Variants in NCKAP5 observed in about 807,000 individuals in gnomAD.
The protein encoded by NCKAP5 is NCK associated protein 5.
A neutral mutation model predicts 167.0 loss-of-function variants in NCKAP5; 92 were observed. The ratio of observed to expected loss-of-function variants is 0.55; its 90% CI spans 0.47 to 0.66. NCKAP5 has a LOEUF of 0.66. Among genes scored for constraint, NCKAP5 ranks in the 30% least tolerant of loss-of-function variants. The pLI, the probability that NCKAP5 is intolerant of heterozygous loss-of-function variation, is 0.00. For missense variants in NCKAP5, 2,378 were observed against 2,315.0 expected (o/e 1.03, Z -0.56); for synonymous variants, 891 against 877.4 (o/e 1.02, Z -0.27).
rs750584716 is a variant in NCKAP5 at position 132,782,790 on chromosome 2, G to T, written c.4021C>A (p.Pro1341Thr). 30 of 1,613,920 alleles carry T rather than the reference G, an allele frequency of 1.9e-5. No individual in the cohort carries two copies. The South Asian group carries it at 2.6e-4, about 14-fold the overall frequency. Residue 1341 changes from proline (P) to threonine (T), a missense_variant, in exon 14 of 20, where the codon CCC (proline) becomes ACC (threonine). Coordinates refer to ENST00000409261, the MANE Select transcript of NCKAP5 (RefSeq NM_207363.3). Reference protein sequence around the residue: ...MLESLPSVGRPSGHPSSGKGS... With the variant: ...MLESLPSVGRTSGHPSSGKGS... ...TTCCCGGAGGAGGGGTGCCCCGAGGGCCTCCCAACACTGGGGAGACTCTCC... is the reference window on the plus strand; with the variant it reads ...TTCCCGGAGGAGGGGTGCCCCGAGGTCCTCCCAACACTGGGGAGACTCTCC...
the NCKAP5 span, among the ~76,000 whole-genome samples, chr2:133,651,711 A>G: frequency 2.6e-5 from 4 of 152,232 alleles, no homozygotes; most frequent in Non-Finnish European, 4.4e-5. Context: ...TAGCAGTCTC[A>G]TGTGTATTAC....
intron 5 of NCKAP5, among the ~76,000 whole-genome samples, chr2:133,156,388 C>T (rs1280507107): frequency 6.6e-6 from 1 of 152,210 alleles, no homozygotes; most frequent in Non-Finnish European, 1.5e-5. Flanking sequence ...GAAAGTTTAT[C>T]TACTTCATTT....
intron 11 of NCKAP5, among the ~76,000 whole-genome samples, chr2:132,834,413 C>T (rs1338153394): frequency 2.6e-5 from 4 of 152,080 alleles, no homozygotes; most frequent in African/African-American, 9.7e-5. Flanking sequence ...GGCGCGATCT[C>T]GGCTCACTGC....
chr2:133,429,119 TG>T (rs750209013), intron 3 of NCKAP5, among the ~76,000 whole-genome samples: 2 of 152,080 alleles, frequency 1.3e-5, no homozygotes, highest in Non-Finnish European at 2.9e-5. Context: ...CACCAGTGGG[TG>T]GACAGTTGCA....
intron 3 of NCKAP5, among the ~76,000 whole-genome samples, chr2:133,394,313 G>GT (rs1687605739): frequency 6.6e-6 from 1 of 152,204 alleles, no homozygotes; most frequent in Non-Finnish European, 1.5e-5. Context: ...GAGATTGGGA[G>GT]TATGGTAGGC....
chr2:132,769,659 G>T (rs1245910657), intron 16 of NCKAP5, among the ~76,000 whole-genome samples: 1 of 152,192 alleles, frequency 6.6e-6, no homozygotes, highest in Admixed American at 6.5e-5. Context: ...TGGGAGACAT[G>T]CTCAGTCCTC....
intron 4 of NCKAP5, among the ~76,000 whole-genome samples, chr2:133,248,628 T>C (rs139970543): frequency 2.6e-4 from 40 of 152,332 alleles, no homozygotes; most frequent in Admixed American, 2.4e-3. Flanking sequence ...TCCTAGGTCT[T>C]AGTTTCCTAG....
intron 7 of NCKAP5, among the ~76,000 whole-genome samples, chr2:132,974,365 C>A (rs2076917339): frequency 6.6e-6 from 1 of 152,154 alleles, no homozygotes; most frequent in Non-Finnish European, 1.5e-5. Flanking sequence ...GAAATATGCT[C>A]TTTCCAGAAC....
chr2:133,343,786 G>A (rs1014106742), intron 3 of NCKAP5, among the ~76,000 whole-genome samples: 1 of 152,306 alleles, frequency 6.6e-6, no homozygotes. Flanking sequence ...CTGAATTCAC[G>A]TCGCCATAAG....
intron 5 of NCKAP5, among the ~76,000 whole-genome samples, chr2:133,209,602 T>G (rs1051607248): frequency 6.6e-6 from 1 of 151,880 alleles, no homozygotes; most frequent in African/African-American, 2.4e-5. Context: ...ACTTAGCCAT[T>G]AAAAAGAAGT....
chr2:132,918,795 T>C (rs997208199), intron 8 of NCKAP5, among the ~76,000 whole-genome samples: 1 of 152,226 alleles, frequency 6.6e-6, no homozygotes, highest in African/African-American at 2.4e-5. Flanking sequence ...ATTCCAAGTT[T>C]AGAAATAGCC....
At chr2:133,355,829 T>C (rs1448575136) in intron 3 of NCKAP5, among the ~76,000 whole-genome samples, 1 of 152,188 alleles carries the variant, frequency 6.6e-6, no homozygotes, top group Non-Finnish European at 1.5e-5. Context: ...CATTTTCTTT[T>C]TATTTTTTTA....
intron 3 of NCKAP5, among the ~76,000 whole-genome samples, chr2:133,496,072 G>A (rs1897429): frequency 0.38 from 57,870 of 151,938 alleles, 11,181 homozygotes; most frequent in Non-Finnish European, 0.4. Flanking sequence ...TAGTAAACCA[G>A]GTCAACTTTT....
At chr2:133,277,941 CAT>C (rs1250739799) in intron 4 of NCKAP5, among the ~76,000 whole-genome samples, 1 of 151,788 alleles carries the variant, frequency 6.6e-6, no homozygotes, top group African/African-American at 2.4e-5. Context: ...TTTGACCAAA[CAT>C]AACATTAAAT....
chr2:132,932,924 T>TA (rs1273635341), intron 8 of NCKAP5, among the ~76,000 whole-genome samples: 1 of 145,054 alleles, frequency 6.9e-6, no homozygotes. Flanking sequence ...TCCTCTACTT[T>TA]TTTTTTTTTT....
chr2:132,948,724 G>T (rs894046059), intron 8 of NCKAP5, among the ~76,000 whole-genome samples: 1 of 152,146 alleles, frequency 6.6e-6, no homozygotes, highest in South Asian at 2.1e-4. Flanking sequence ...ACAAGGCCTC[G>T]TGGAAGCCCC....
chr2:133,573,892 T>C, the NCKAP5 span, among the ~76,000 whole-genome samples: 1 of 152,154 alleles, frequency 6.6e-6, no homozygotes. Flanking sequence ...ACTTTAAGGA[T>C]TTATGTAAAT....
intron 3 of NCKAP5, among the ~76,000 whole-genome samples, chr2:133,368,401 T>C (rs528268688): frequency 2.2e-4 from 34 of 152,248 alleles, no homozygotes; most frequent in Non-Finnish European, 7.3e-5. Flanking sequence ...TTTTTATTTT[T>C]ATTTTATTTT....
intron 3 of NCKAP5, among the ~76,000 whole-genome samples, chr2:133,485,240 A>C (rs1031912077): frequency 1.3e-5 from 2 of 152,192 alleles, no homozygotes; most frequent in African/African-American, 4.8e-5. Flanking sequence ...CTGCAAAAGA[A>C]AAGGAAAATG....
Sources: gnomAD v4.1 joint callset for allele counts (sites outside exome capture counted in the v4.1 genomes callset) on GRCh38, gnomAD v4.1.1 for gene constraint, MANE v1.5 for transcripts, NCBI Gene and HGNC (gene_info 2026-07-23, HGNC 2026-07-21) for gene names.